ZNF565: variants seen among roughly 807,000 people sequenced by gnomAD.
ZNF565 encodes zinc finger protein 565.
In ZNF565, 27 loss-of-function variants were observed where a neutral mutation model predicts 39.4. The observed-to-expected ratio is 0.69, with a 90% confidence interval of 0.51 to 0.95. ZNF565 has a LOEUF of 0.95. Among genes scored for constraint, ZNF565 ranks in the 40% least tolerant of loss-of-function variants. The pLI is 0.00. For missense variants in ZNF565, 524 were observed against 621.1 expected, an observed-to-expected ratio of 0.84 and a Z score of 1.66; for synonymous variants, 185 against 216.6, an observed-to-expected ratio of 0.85 and a Z score of 1.28.
In ZNF565 at chr19:36,202,038, C is replaced by G; in HGVS notation, c.-53G>C. 1 of 1,612,786 alleles carries G rather than the reference C, an allele frequency of 6.2e-7. No homozygotes were observed. The highest frequency in any genetic ancestry group is 8.5e-7 in the Non-Finnish European group (1 of 1,178,902). On this transcript the variant is annotated 5_prime_UTR_variant, in exon 2 of 5. Coordinates refer to ENST00000304116, the MANE Select transcript of ZNF565 (RefSeq NM_152477.5). ...GATTTCTCTGGATTCTTCTCTTGGA[C>G]AAGTGCAGAGTCCTGAAAAAGCAAA...
intron 1 of ZNF565, among the ~76,000 whole-genome samples, chr19:36,227,484 A>G (rs2432052): frequency 0.34 from 52,019 of 151,338 alleles, 9,465 homozygotes; most frequent in South Asian, 0.48. Context: ...CCTGGGCTCG[A>G]GTGATCTTCC....
chr19:36,185,152 T>C (rs1033060880), intron 4 of ZNF565, among the ~76,000 whole-genome samples: 10 of 149,398 alleles, frequency 6.7e-5, no homozygotes, highest in African/African-American at 2.5e-4. Context: ...CAGTGGCTCA[T>C]GTCTGTAATC....
In ZNF565 at chr19:36,183,094, C is replaced by A; in HGVS notation, c.872G>T (p.Gly291Val). ...CKDCGKAFIR[G>V]SQLTVHRRIH... is the part of the protein sequence containing the mutation. ...TCTCCGATGCACAGTGAGTTGGGAGCCACGAATGAAAGCCTTGCCACAGTC... is the reference window on the plus strand; with the variant it reads ...TCTCCGATGCACAGTGAGTTGGGAGACACGAATGAAAGCCTTGCCACAGTC... Residue 291 changes from glycine (G) to valine (V), a missense_variant, in exon 5 of 5, where the codon GGC becomes GTC. Coordinates refer to ENST00000304116, the MANE Select transcript of ZNF565 (RefSeq NM_152477.5). The A allele has an allele frequency of 6.2e-7, 1 of 1,614,120 alleles. No homozygotes were observed. Among genetic ancestry groups the A allele is most frequent in the Middle Eastern group, 1.6e-4 (1 of 6,062 alleles).
intron 3 of ZNF565, 157 bp downstream of exon 3, chr19:36,194,873 A>C: frequency 8.9e-7 from 1 of 1,117,554 alleles, no homozygotes; most frequent in Non-Finnish European, 1.3e-6. Context: ...AGCTACAGCT[A>C]TTGCTGGCCG....
rs375713820 is a variant in ZNF565, at chr19:36,194,308, C to G, written c.157G>C (p.Asp53His). The G allele has an allele frequency of 1.9e-6, 3 of 1,611,696 alleles. No individual in the cohort carries two copies. In the African/African-American group the frequency reaches 4.0e-5, roughly 22 times the overall value. Reference sequence around the variant, plus strand: ...CCTTGCTCCAATAAGGAGACGACATCAGGCTTAGAAATGGAGAGTCCTGTT... The same window carrying G: ...CCTTGCTCCAATAAGGAGACGACATGAGGCTTAGAAATGGAGAGTCCTGTT... ...ASLGLSISKPDVVSLLEQGKE... is the reference protein window; with the variant it reads ...ASLGLSISKPHVVSLLEQGKE... Residue 53 changes from aspartate to histidine, a missense_variant, in exon 4 of 5, where the codon GAT (aspartate) becomes CAT (histidine). By Grantham distance (81) the Asp-to-His change is moderately conservative. Coordinates refer to ENST00000304116, the MANE Select transcript of ZNF565 (RefSeq NM_152477.5).
At chr19:36,197,193 T>A (rs117767583) in intron 2 of ZNF565, among the ~76,000 whole-genome samples, 25,808 of 151,648 alleles carry the variant, frequency 0.17, 2,567 homozygotes, top group Non-Finnish European at 0.22. Context: ...AATAACTTGA[T>A]CCCCGGAGGC....
intron 1 of ZNF565, among the ~76,000 whole-genome samples, chr19:36,202,835 C>T (rs1345565985): frequency 1.3e-5 from 2 of 152,182 alleles, no homozygotes; most frequent in African/African-American, 4.8e-5. Flanking sequence ...TGGGACTACA[C>T]CATGCATACC....
chr19:36,215,167 C>T (rs924127068), upstream of ZNF565: 1 of 152,210 alleles, frequency 6.6e-6, no homozygotes, highest in South Asian at 2.1e-4. Context: ...TCAGTACGGC[C>T]CCTGGGTCCA....
chr19:36,238,938 A>G (rs1977747441), intron 1 of ZNF565, among the ~76,000 whole-genome samples: 1 of 152,080 alleles, frequency 6.6e-6, no homozygotes, highest in Non-Finnish European at 1.5e-5. Flanking sequence ...CGCGAACCCT[A>G]TTGGGAACTG....
chr19:36,240,594 C>T (rs945201079), intron 1 of ZNF565, among the ~76,000 whole-genome samples: 2 of 152,242 alleles, frequency 1.3e-5, no homozygotes, highest in Admixed American at 6.5e-5. Context: ...AGGGGCTGGT[C>T]GTGGTGGCTC....
chr19:36,230,728 C>T (rs1977309374), intron 1 of ZNF565, among the ~76,000 whole-genome samples: 2 of 152,202 alleles, frequency 1.3e-5, no homozygotes, highest in Non-Finnish European at 2.9e-5. Flanking sequence ...GGTTAGGTAA[C>T]AGGTCAAATC....
intron 1 of ZNF565, among the ~76,000 whole-genome samples, chr19:36,219,679 G>A (rs1976754870): frequency 6.6e-6 from 1 of 152,126 alleles, no homozygotes; most frequent in African/African-American, 2.4e-5. Flanking sequence ...CAGTCATTTA[G>A]TGGATGGTTT....
chr19:36,207,526 G>A (rs563954158), intron 1 of ZNF565, among the ~76,000 whole-genome samples: 2 of 142,376 alleles, frequency 1.4e-5, no homozygotes, highest in East Asian at 4.1e-4. Flanking sequence ...GTGACAGAGT[G>A]AGACTCCATC....
intron 1 of ZNF565, among the ~76,000 whole-genome samples, chr19:36,235,420 G>T (rs545180181): frequency 6.6e-6 from 1 of 152,190 alleles, no homozygotes; most frequent in African/African-American, 2.4e-5. Context: ...ATCACCTCAA[G>T]TAGGGTTCCC....
intron 1 of ZNF565, among the ~76,000 whole-genome samples, chr19:36,231,827 G>A (rs1599986904): frequency 6.6e-6 from 1 of 151,942 alleles, no homozygotes; most frequent in African/African-American, 2.4e-5. Flanking sequence ...GCTCACATCT[G>A]TAGGCGAGGC....
At chr19:36,232,032 G>A (rs1977396563) in intron 1 of ZNF565, among the ~76,000 whole-genome samples, 1 of 151,742 alleles carries the variant, frequency 6.6e-6, no homozygotes, top group Admixed American at 6.6e-5. Context: ...GTAAAACCCC[G>A]TTTCTATTAA....
chr19:36,234,939 C>T (rs1977582914), intron 1 of ZNF565, among the ~76,000 whole-genome samples: 1 of 151,972 alleles, frequency 6.6e-6, no homozygotes, highest in Admixed American at 6.6e-5. Context: ...TTTCAGCCAC[C>T]ATCCTTTATT....
intron 2 of ZNF565, among the ~76,000 whole-genome samples, chr19:36,199,642 G>C (rs1975884943): frequency 6.6e-6 from 1 of 151,560 alleles, no homozygotes; most frequent in African/African-American, 2.4e-5. Flanking sequence ...GAGTAGCTGG[G>C]ACTACAGGTG....
chr19:36,235,241 T>C (rs776461195), intron 1 of ZNF565, among the ~76,000 whole-genome samples: 3 of 151,786 alleles, frequency 2.0e-5, no homozygotes, highest in Non-Finnish European at 2.9e-5. Context: ...AGATGAACAT[T>C]ATTTTTCTTC....
Sources: allele counts gnomAD v4.1 joint callset (sites outside exome capture counted in the v4.1 genomes callset), GRCh38; gene constraint gnomAD v4.1.1; transcripts MANE v1.5; gene names NCBI Gene and HGNC (gene_info 2026-07-23, HGNC 2026-07-21).